The following LIFR variants were observed in gnomAD, a reference collection of about 807,000 sequenced individuals.
LIFR encodes the protein LIF receptor subunit alpha, also known as leukemia inhibitory factor receptor.
In LIFR, 84 loss-of-function variants were observed where a neutral mutation model predicts 122.2. The observed-to-expected ratio is 0.69, with a 90% CI of 0.58 to 0.82. LIFR has a LOEUF of 0.82. Among genes scored for constraint, LIFR ranks in the 40% least tolerant of loss-of-function variants. The probability of loss-of-function intolerance (pLI) is 0.00; values close to 1 mark genes in which losing one functional copy is unlikely to be tolerated. For missense variants in LIFR, 1,294 were observed against 1,311.6 expected (o/e 0.99, Z 0.21); for synonymous variants, 422 against 434.7 (o/e 0.97, Z 0.36).
intron 1 of LIFR, among the ~76,000 whole-genome samples, chr5:38,547,758 T>C (rs1335190232): frequency 6.6e-6 from 1 of 152,210 alleles, no homozygotes; most frequent in Non-Finnish European, 1.5e-5. Flanking sequence ...ATTTTGTTGT[T>C]GTGTGAACAT....
intron 10 of LIFR, among the ~76,000 whole-genome samples, chr5:38,503,672 CATCCATTAATGATGCT>C (rs1745301423): frequency 6.6e-6 from 1 of 152,204 alleles, no homozygotes; most frequent in South Asian, 2.1e-4. Flanking sequence ...AGTGCCAATT[CATCCATTAATGATGCT>C]AAAAGTTACA....
chr5:38,505,401 TAC>T (rs58882043), intron 9 of LIFR, among the ~76,000 whole-genome samples: 9,399 of 139,272 alleles, frequency 0.067, 517 homozygotes, highest in East Asian at 0.28. Flanking sequence ...TGCATAGAAC[TAC>T]ACACACACAC....
At chr5:38,562,115 C>G (rs1191899758) in intron 1 of LIFR, among the ~76,000 whole-genome samples, 1 of 152,174 alleles carries the variant, frequency 6.6e-6, no homozygotes, top group Non-Finnish European at 1.5e-5. Context: ...CCCTCTCTTT[C>G]CCGAGTGAAC....
chr5:38,574,714 CCTAA>C (rs924202303), intron 1 of LIFR, among the ~76,000 whole-genome samples: 1 of 152,162 alleles, frequency 6.6e-6, no homozygotes, highest in African/African-American at 2.4e-5. Flanking sequence ...CTGCAAGTTA[CCTAA>C]CTATCTACAC....
chr5:38,502,700 T>C lies in LIFR; in HGVS notation c.1537A>G (p.Thr513Ala). 1 of 1,613,232 alleles carries C rather than the reference T, an allele frequency of 6.2e-7. No individual in the cohort carries two copies. The highest frequency in any genetic ancestry group is 8.5e-7 in the Non-Finnish European group (1 of 1,179,242). ...TLYTFRIRCS[T>A]ETFWKWSKWS... ...TTGCTCCATTTCCAGAAAGTTTCAG[T>C]AGAACAACGAATCCGAAAAGTATAT... The change falls in exon 11 of 20, where the codon ACT becomes GCT. Residue 513 changes from threonine to alanine, a missense_variant. Thr to Ala is a moderately conservative substitution (Grantham distance 58). Transcript: ENST00000453190.
intron 12 of LIFR, among the ~76,000 whole-genome samples, chr5:38,497,280 C>T (rs759787763): frequency 6.6e-6 from 1 of 152,120 alleles, no homozygotes. Flanking sequence ...GAGACTCTGT[C>T]TCAACAACAA....
rs545078859 is a variant in LIFR, at chr5:38,545,613, A to G, written c.-20+10721T>C. Among the ~76,000 whole-genome samples, 58 of 152,284 alleles carry G rather than the reference A, an allele frequency of 3.8e-4. No homozygotes were observed. In the South Asian group the frequency reaches 7.9e-3, roughly 21 times the overall value. ...CACGGTGGCTCACGCCTGTAATCCC[A>G]GCACTTTGGGAGGCCGAGGTGGGCG... is the stretch of plus-strand genomic sequence containing the variant. On this transcript the variant is annotated intron_variant, in intron 1 of 19. Coordinates refer to ENST00000453190, the MANE Select transcript of LIFR (RefSeq NM_001127671.2).
rs1453771495 is a variant in LIFR at position 38,476,356 on chromosome 5, T to A, written c.*5239A>T. ...TTTTATAATACACAACTGGAATGTT[T>A]AGGAAAATAGTTCGGAAGCTGAAAG... On this transcript the variant is annotated 3_prime_UTR_variant, in exon 20 of 20. Coordinates refer to ENST00000453190, the MANE Select transcript of LIFR (RefSeq NM_001127671.2). 2 of 207,466 alleles carry A rather than the reference T, an allele frequency of 9.6e-6. No individual in the cohort carries two copies. Among genetic ancestry groups the A allele is most frequent in the South Asian group, 3.8e-4 (2 of 5,312 alleles). The allele number at this position is 207,466 out of a possible 1,614,324, so 12.9% of individuals were successfully genotyped here. A position where few individuals can be genotyped will look rare whatever the true frequency, so the allele number is the denominator to read the frequency against.
chr5:38,582,780 A>G (rs994913463), intron 1 of LIFR, among the ~76,000 whole-genome samples: 6 of 152,072 alleles, frequency 3.9e-5, no homozygotes, highest in African/African-American at 1.4e-4. Context: ...GGTTCTCATC[A>G]CTGTTAATCT....
At chr5:38,532,537 G>A (rs1747068244) in intron 1 of LIFR, among the ~76,000 whole-genome samples, 1 of 152,226 alleles carries the variant, frequency 6.6e-6, no homozygotes, top group African/African-American at 2.4e-5. Context: ...ACTCTGCTGA[G>A]GAGGTCAGTA....
At chr5:38,520,131 T>C (rs1746323037) in intron 5 of LIFR, among the ~76,000 whole-genome samples, 1 of 152,134 alleles carries the variant, frequency 6.6e-6, no homozygotes. Flanking sequence ...CACCAATATA[T>C]AAGTTTTTTT....
rs138484249 is a variant in LIFR at position 38,590,986 on chromosome 5, A to T, written c.-20+4275T>A. On this transcript the variant is annotated intron_variant, in intron 1 of 19. Coordinates refer to the LIFR transcript ENST00000263409. ...TCCTTATGGAATGTACAGTCAGCTG[A>T]GGGACAGTAGTCAAATGATGATATA... Among the ~76,000 whole-genome samples, 257 of 152,362 alleles carry T rather than the reference A, an allele frequency of 1.7e-3. 2 individuals carry two copies. Among genetic ancestry groups the T allele is most frequent in the Admixed American group, 2.5e-3 (38 of 15,310 alleles).
chr5:38,549,337 C>T (rs1177036322), intron 1 of LIFR, among the ~76,000 whole-genome samples: 1 of 142,320 alleles, frequency 7.0e-6, no homozygotes, highest in Non-Finnish European at 1.5e-5. Flanking sequence ...TTACAATCTG[C>T]TTTTTCAGTT....
At chr5:38,523,274 G>T in intron 5 of LIFR, 145 bp downstream of exon 5, 1 of 639,344 alleles carries the variant, frequency 1.6e-6, no homozygotes, top group Non-Finnish European at 2.8e-6. Flanking sequence ...TTTAAATCAT[G>T]CATGATGTTT....
At position 38,528,729 on chromosome 5, in the gene LIFR, T is replaced by C. The variant is rs1402103732; in HGVS notation, c.254A>G (p.Asn85Ser). 6.4e-7 allele frequency: 1 copy of C among 1,564,276 alleles called. No homozygotes were observed. Among genetic ancestry groups the C allele is most frequent in the East Asian group, 2.3e-5 (1 of 43,378 alleles). ...AATTAAAGTAAATTAAAATTACCTGTTTTCAATGCAAACTTCATAATCAGT... is the reference window on the plus strand; with the variant it reads ...AATTAAAGTAAATTAAAATTACCTGCTTTCAATGCAAACTTCATAATCAGT... ...RGTDYEVCIE[N>S]RSRSCYQLEK... Residue 85 changes from asparagine (N) to serine (S), a missense_variant, in exon 3 of 20, where the codon AAC becomes AGC. Coordinates refer to ENST00000453190, the MANE Select transcript of LIFR (RefSeq NM_001127671.2).
intron 1 of LIFR, among the ~76,000 whole-genome samples, chr5:38,539,155 G>A (rs1747450780): frequency 6.6e-6 from 1 of 152,024 alleles, no homozygotes; most frequent in African/African-American, 2.4e-5. Context: ...GAGAGACGGG[G>A]TTTCACCGTG....
At chr5:38,574,784 A>C (rs948164907) in intron 1 of LIFR, among the ~76,000 whole-genome samples, 2 of 152,192 alleles carry the variant, frequency 1.3e-5, no homozygotes, top group African/African-American at 4.8e-5. Flanking sequence ...TGACGGTCAC[A>C]GTCTTTTCCT....
chr5:38,481,849 C>A lies in LIFR; in HGVS notation c.3040G>T (p.Glu1014Ter). 1.2e-6 allele frequency: 2 copies of A among 1,614,142 alleles called. No individual in the cohort carries two copies. The highest frequency in any genetic ancestry group is 1.7e-6 in the Non-Finnish European group (2 of 1,180,030). Reference protein sequence around the residue: ...QMHLPINSTVEDIAAEEDLDK... With the variant: ...QMHLPINSTV ...AAGTCCTCTTCTGCAGCTATATCTTCCACAGTAGAATTAATGGGGAGGTGC... is the reference window on the plus strand; with the variant it reads ...AAGTCCTCTTCTGCAGCTATATCTTACACAGTAGAATTAATGGGGAGGTGC... The change falls in exon 20 of 20, where the codon GAA (glutamate) becomes TAA (stop). Residue 1014 changes from glutamate to a stop codon, truncating the protein, a stop_gained. Coordinates refer to ENST00000453190, the MANE Select transcript of LIFR (RefSeq NM_001127671.2). LOFTEE classifies it high-confidence loss of function.
At chr5:38,586,602 A>G (rs889824985) in intron 1 of LIFR, among the ~76,000 whole-genome samples, 1 of 152,118 alleles carries the variant, frequency 6.6e-6, no homozygotes, top group African/African-American at 2.4e-5. Flanking sequence ...TAACATGTAG[A>G]TTCCTATAGG....
Sources: gnomAD v4.1 joint callset for allele counts (sites outside exome capture counted in the v4.1 genomes callset) on GRCh38, gnomAD v4.1.1 for gene constraint, MANE v1.5 for transcripts, NCBI Gene and HGNC (gene_info 2026-07-23, HGNC 2026-07-21) for gene names.